The following SLC35F4 variants were observed in gnomAD, a reference collection of about 807,000 sequenced individuals.
The protein encoded by SLC35F4 is chromosome 14 open reading frame 36.
In SLC35F4, 24 loss-of-function variants were observed where a neutral mutation model predicts 44.2. That is an observed-to-expected ratio of 0.54 (90% CI 0.39 to 0.76). SLC35F4 has a LOEUF of 0.76. Among genes scored for constraint, SLC35F4 ranks in the 30% least tolerant of loss-of-function variants. SLC35F4 has a pLI of 0.00. For synonymous variants in SLC35F4, 238 were observed against 223.6 expected, an observed-to-expected ratio of 1.06 and a Z score of -0.57; for missense variants, 562 against 586.1, an observed-to-expected ratio of 0.96 and a Z score of 0.42.
chr14:57,719,585 T>C (rs2076030923), intron 1 of SLC35F4, among the ~76,000 whole-genome samples: 2 of 47,116 alleles, frequency 4.2e-5, no homozygotes, highest in South Asian at 9.9e-4. Flanking sequence ...TGTGGCTATT[T>C]TTCCTGGGAT....
chr14:57,950,427 A>G (rs1262400160), intron 1 of SLC35F4, among the ~76,000 whole-genome samples: 1 of 151,392 alleles, frequency 6.6e-6, no homozygotes, highest in Non-Finnish European at 1.5e-5. Context: ...TTTTAAGTCC[A>G]TATCCTGTAT....
At chr14:57,682,301 A>T (rs1364954030) in intron 1 of SLC35F4, among the ~76,000 whole-genome samples, 1 of 152,178 alleles carries the variant, frequency 6.6e-6, no homozygotes, top group Non-Finnish European at 1.5e-5. Flanking sequence ...TACACCACGG[A>T]ATACTATGTA....
chr14:57,895,225 A>G (rs1888846868), intron 1 of SLC35F4, among the ~76,000 whole-genome samples: 1 of 152,168 alleles, frequency 6.6e-6, no homozygotes, highest in African/African-American at 2.4e-5. Flanking sequence ...TCTCAAGGAC[A>G]GACTCTTACT....
At chr14:57,963,777 C>T (rs1357701724) in intron 1 of SLC35F4, among the ~76,000 whole-genome samples, 1 of 129,690 alleles carries the variant, frequency 7.7e-6, no homozygotes, top group Admixed American at 9.5e-5. Flanking sequence ...GGCTGGAGTG[C>T]AGTCGTGCAA....
At chr14:57,601,457 CT>C (rs895188423) in intron 1 of SLC35F4, among the ~76,000 whole-genome samples, 13 of 152,052 alleles carry the variant, frequency 8.5e-5, no homozygotes, top group African/African-American at 3.1e-4. Flanking sequence ...TTTTTCAACC[CT>C]TTCCCCCCTC....
At position 57,569,991 on chromosome 14, in the gene SLC35F4, A is replaced by C; in HGVS notation, c.934-11T>G. 1 of 1,587,136 alleles carries C rather than the reference A, an allele frequency of 6.3e-7. No individual in the cohort carries two copies. The highest frequency in any genetic ancestry group is 8.6e-7 in the Non-Finnish European group (1 of 1,169,556). ...CATTTTAAACAAGACCTGGAATGAG[A>C]AAGAAACTCTACAGCCACACAGAAA... On this transcript the variant is annotated splice_polypyrimidine_tract_variant and intron_variant, in intron 5 of 7. Transcript: ENST00000556826.
At chr14:57,759,880 G>GTC (rs771636833) in intron 1 of SLC35F4, among the ~76,000 whole-genome samples, 7 of 140,518 alleles carry the variant, frequency 5.0e-5, no homozygotes, top group African/African-American at 1.3e-4. Context: ...TTCTTTGCTT[G>GTC]TTTTTTTTTT....
intron 2 of SLC35F4, among the ~76,000 whole-genome samples, chr14:57,590,962 A>C (rs1441050258): frequency 6.6e-6 from 1 of 152,244 alleles, no homozygotes; most frequent in Non-Finnish European, 1.5e-5. Flanking sequence ...ATTGGGGGAA[A>C]GGAGAAGAGA....
intron 1 of SLC35F4, among the ~76,000 whole-genome samples, chr14:57,675,806 T>TATGTCAC (rs774120775): frequency 3.3e-5 from 5 of 152,116 alleles, no homozygotes; most frequent in Non-Finnish European, 7.3e-5. Flanking sequence ...GTTTATGTCA[T>TATGTCAC]ATGTCACATT....
chr14:57,873,340 G>A (rs1888333733), intron 1 of SLC35F4, among the ~76,000 whole-genome samples: 1 of 152,114 alleles, frequency 6.6e-6, no homozygotes, highest in African/African-American at 2.4e-5. Context: ...GTCTCTACTA[G>A]TTCCATATTC....
At chr14:57,888,758 T>C (rs1452603204) in intron 1 of SLC35F4, among the ~76,000 whole-genome samples, 1 of 152,200 alleles carries the variant, frequency 6.6e-6, no homozygotes, top group East Asian at 1.9e-4. Flanking sequence ...TTATTTTACT[T>C]TATTCATCAA....
chr14:57,671,489 G>A (rs1374287575), intron 1 of SLC35F4, among the ~76,000 whole-genome samples: 2 of 152,058 alleles, frequency 1.3e-5, no homozygotes, highest in Non-Finnish European at 2.9e-5. Flanking sequence ...GGGCCAGAAG[G>A]GAACCCACTG....
intron 1 of SLC35F4, among the ~76,000 whole-genome samples, chr14:57,782,833 G>A (rs1244299328): frequency 1.3e-5 from 2 of 152,176 alleles, no homozygotes; most frequent in East Asian, 3.9e-4. Context: ...TGCCACTAGT[G>A]ATGCTGGAAG....
At chr14:57,624,667 C>T (rs10147516) in intron 1 of SLC35F4, among the ~76,000 whole-genome samples, 13 of 151,952 alleles carry the variant, frequency 8.6e-5, no homozygotes, top group African/African-American at 3.1e-4. Flanking sequence ...AATCAATAAA[C>T]ATAATCCAGC....
chr14:57,652,552 G>GAA (rs1324509194), intron 1 of SLC35F4, among the ~76,000 whole-genome samples: 4 of 152,176 alleles, frequency 2.6e-5, no homozygotes, highest in Non-Finnish European at 5.9e-5. Context: ...TGTCATAACT[G>GAA]GGAGGTGGGT....
rs1366405545 is a variant in SLC35F4 at position 57,610,301 on chromosome 14, T to C, written c.104-16177A>G. 2.0e-5 allele frequency among the ~76,000 whole-genome samples: 3 copies of C among 152,274 alleles called. No homozygotes were observed. In the East Asian group the frequency reaches 5.8e-4, roughly 29 times the overall value. On this transcript the variant is annotated intron_variant, in intron 1 of 7. Coordinates refer to ENST00000556826, the MANE Select transcript of SLC35F4 (RefSeq NM_001306087.2). ...CCTGGGATTAATAAAAGTGAGAATC[T>C]GTAGGACCCTGAGCCTGGAGGGTGT...
At chr14:57,810,180 C>G (rs78109877) in intron 1 of SLC35F4, among the ~76,000 whole-genome samples, 15 of 152,168 alleles carry the variant, frequency 9.9e-5, no homozygotes, top group African/African-American at 3.6e-4. Flanking sequence ...GCTACTCCCC[C>G]ATCCTAGGGA....
At chr14:57,589,142 C>T in intron 3 of SLC35F4, 74 bp downstream of exon 3, 1 of 1,483,506 alleles carries the variant, frequency 6.7e-7, no homozygotes, top group Non-Finnish European at 9.1e-7. Flanking sequence ...CTCATATTCC[C>T]AAGAGATAAA....
At chr14:57,840,855 T>C (rs1248640677) in intron 1 of SLC35F4, among the ~76,000 whole-genome samples, 2 of 152,206 alleles carry the variant, frequency 1.3e-5, no homozygotes, top group Non-Finnish European at 2.9e-5. Flanking sequence ...TTGAGGTCCA[T>C]GAGTACCACT....
Sources: allele counts gnomAD v4.1 joint callset (sites outside exome capture counted in the v4.1 genomes callset), GRCh38; gene constraint gnomAD v4.1.1; transcripts MANE v1.5; gene names NCBI Gene and HGNC (gene_info 2026-07-23, HGNC 2026-07-21).